The following SNTG1 variants were observed in gnomAD, a reference collection of about 807,000 sequenced individuals.
SNTG1 encodes the protein syntrophin gamma 1.
In SNTG1, 39 loss-of-function variants were observed where a neutral mutation model predicts 74.7. The observed-to-expected ratio is 0.52, with a 90% CI of 0.40 to 0.68. The LOEUF (loss-of-function observed/expected upper bound fraction) is 0.68, where lower values mean the gene tolerates loss of function less well. SNTG1 is among the 30% of genes least tolerant of loss of function. The pLI is 0.00. For synonymous variants in SNTG1, 254 were observed against 217.1 expected (o/e 1.17, Z -1.49); for missense variants, 685 against 609.5 (o/e 1.12, Z -1.30).
At chr8:49,957,433 G>A (rs1032781317) in intron 1 of SNTG1, among the ~76,000 whole-genome samples, 1 of 152,072 alleles carries the variant, frequency 6.6e-6, no homozygotes, top group African/African-American at 2.4e-5. Flanking sequence ...CATTATTGCT[G>A]TACTTTGTGT....
In SNTG1 at chr8:50,487,602, C is replaced by G. The variant is rs141042485; in HGVS notation, c.364-15176C>G. Among the ~76,000 whole-genome samples the G allele has an allele frequency of 1.5e-3, 226 of 150,852 alleles. 1 individual carries two copies. The highest frequency in any genetic ancestry group is 5.3e-3 in the African/African-American group (217 of 41,160). The stretch of plus-strand genomic sequence containing the variant: ...TATCGCAAGATCAAAAAACCAAACA[C>G]TGCATATTCTCACTCGTAGGTGGGA... On this transcript the variant is annotated intron_variant, in intron 8 of 18. Coordinates refer to ENST00000642720, the MANE Select transcript of SNTG1 (RefSeq NM_018967.5).
chr8:50,432,138 T>C (rs972597157), intron 4 of SNTG1, among the ~76,000 whole-genome samples: 8 of 152,222 alleles, frequency 5.3e-5, no homozygotes, highest in African/African-American at 1.9e-4. Flanking sequence ...TCTCTTCTAG[T>C]ACTACTGTGT....
chr8:50,115,437 G>A (rs761812012), intron 1 of SNTG1, among the ~76,000 whole-genome samples: 14 of 151,738 alleles, frequency 9.2e-5, no homozygotes, highest in Non-Finnish European at 8.8e-5. Flanking sequence ...ATCATGTCTG[G>A]TGCCTGTAAT....
At chr8:50,499,713 A>G (rs1230874285) in intron 8 of SNTG1, among the ~76,000 whole-genome samples, 1 of 151,580 alleles carries the variant, frequency 6.6e-6, no homozygotes, top group Non-Finnish European at 1.5e-5. Flanking sequence ...GTTCCGTTCT[A>G]CCATTACTTT....
intron 4 of SNTG1, among the ~76,000 whole-genome samples, chr8:50,434,742 C>T (rs1314287691): frequency 1.3e-5 from 2 of 152,082 alleles, no homozygotes; most frequent in Non-Finnish European, 2.9e-5. Flanking sequence ...TAATTAGAGG[C>T]CATCATCCTC....
intron 18 of SNTG1, 101 bp downstream of exon 18, chr8:50,752,212 C>T (rs781540224): frequency 2.0e-4 from 109 of 535,014 alleles, no homozygotes; most frequent in Non-Finnish European, 4.4e-5. Context: ...CAAAAACACA[C>T]ATTCTCTGCT....
chr8:50,048,482 T>C (rs1449085488), intron 1 of SNTG1, among the ~76,000 whole-genome samples: 1 of 152,186 alleles, frequency 6.6e-6, no homozygotes, highest in African/African-American at 2.4e-5. Flanking sequence ...TTTAGTATTA[T>C]CTCTTTGTTT....
At chr8:50,770,502 A>T (rs746213776) in intron 18 of SNTG1, among the ~76,000 whole-genome samples, 9 of 152,104 alleles carry the variant, frequency 5.9e-5, no homozygotes, top group Admixed American at 1.3e-4. Flanking sequence ...CCAGCACCTC[A>T]GAACCCACTG....
At chr8:50,185,316 T>C (rs2083339494) in intron 2 of SNTG1, among the ~76,000 whole-genome samples, 1 of 152,208 alleles carries the variant, frequency 6.6e-6, no homozygotes, top group Admixed American at 6.6e-5. Context: ...AGGTGCCTTC[T>C]GCCATGACTG....
chr8:50,547,196 T>G (rs1035795785), intron 11 of SNTG1, among the ~76,000 whole-genome samples: 2 of 152,140 alleles, frequency 1.3e-5, no homozygotes, highest in African/African-American at 4.8e-5. Flanking sequence ...TTCTCAAAAG[T>G]GGATACAGAG....
At chr8:50,474,425 T>C (rs13264419) in intron 8 of SNTG1, among the ~76,000 whole-genome samples, 138,192 of 151,684 alleles carry the variant, frequency 0.91, 63,239 homozygotes, top group Non-Finnish European at 0.97. Context: ...AGGATATGAA[T>C]AGACACTTCT....
intron 1 of SNTG1, among the ~76,000 whole-genome samples, chr8:50,033,871 A>C (rs569277726): frequency 1.3e-5 from 2 of 152,292 alleles, no homozygotes; most frequent in African/African-American, 4.8e-5. Flanking sequence ...TATTTCATAA[A>C]TGTTCCTATT....
At chr8:50,710,509 C>A (rs934789892) in intron 17 of SNTG1, among the ~76,000 whole-genome samples, 2 of 151,956 alleles carry the variant, frequency 1.3e-5, no homozygotes, top group Admixed American at 6.6e-5. Context: ...AAAAAGAAAA[C>A]GCTATTGCCA....
intron 2 of SNTG1, among the ~76,000 whole-genome samples, chr8:50,238,191 C>T (rs1055539605): frequency 1.3e-5 from 2 of 152,066 alleles, no homozygotes; most frequent in Admixed American, 6.6e-5. Flanking sequence ...CAAAGCAACC[C>T]TAAGCAAAAG....
intron 18 of SNTG1, among the ~76,000 whole-genome samples, chr8:50,790,145 G>T (rs2095686823): frequency 6.6e-6 from 1 of 151,822 alleles, no homozygotes; most frequent in Non-Finnish European, 1.5e-5. Context: ...TTTCTTGATG[G>T]TAACTGTCAT....
intron 1 of SNTG1, among the ~76,000 whole-genome samples, chr8:50,120,167 T>G (rs1175651572): frequency 7.1e-6 from 1 of 141,626 alleles, no homozygotes; most frequent in Admixed American, 7.3e-5. Context: ...CTTTTTGGGT[T>G]ATTGTAAGGA....
intron 1 of SNTG1, among the ~76,000 whole-genome samples, chr8:49,959,103 T>G (rs1810450970): frequency 6.6e-6 from 1 of 152,206 alleles, no homozygotes; most frequent in Non-Finnish European, 1.5e-5. Flanking sequence ...TCAAAATAAG[T>G]AGCTGATATG....
chr8:50,185,100 A>G (rs769445093), intron 2 of SNTG1, among the ~76,000 whole-genome samples: 3 of 152,164 alleles, frequency 2.0e-5, no homozygotes, highest in Non-Finnish European at 2.9e-5. Context: ...TATGGTTTGC[A>G]TCTATGTCCC....
intron 13 of SNTG1, among the ~76,000 whole-genome samples, chr8:50,630,548 AC>A (rs111519053): frequency 0.043 from 6,554 of 152,274 alleles, 244 homozygotes; most frequent in African/African-American, 0.095. Context: ...ACATAATGTG[AC>A]TTAACAGGTG....
Sources: allele counts gnomAD v4.1 joint callset (sites outside exome capture counted in the v4.1 genomes callset), GRCh38; gene constraint gnomAD v4.1.1; transcripts MANE v1.5; gene names NCBI Gene and HGNC (gene_info 2026-07-23, HGNC 2026-07-21).